CAST: variants seen among roughly 807,000 people sequenced by gnomAD.
CAST encodes MIR583 host.
A neutral mutation model predicts 119.6 loss-of-function variants in CAST; 76 were observed. The ratio of observed to expected loss-of-function variants is 0.64; its 90% confidence interval spans 0.53 to 0.77. CAST has a LOEUF of 0.77. CAST is among the 30% of genes least tolerant of loss of function. The probability of loss-of-function intolerance (pLI) is 0.00; values close to 1 mark genes in which losing one functional copy is unlikely to be tolerated. For missense variants in CAST, 953 were observed against 946.5 expected, an observed-to-expected ratio of 1.01 and a Z score of -0.09; for synonymous variants, 319 against 331.6, an observed-to-expected ratio of 0.96 and a Z score of 0.41.
chr5:96,401,279 C>G, the CAST span, among the ~76,000 whole-genome samples: 1 of 151,918 alleles, frequency 6.6e-6, no homozygotes, highest in Non-Finnish European at 1.5e-5. Context: ...TGGACTTTGA[C>G]AGGGGGTAGA....
rs570363709 is a variant in CAST, at chr5:96,640,767, G to A, written c.61-34772G>A. ...TTTATACCTGCATCACCTAGTCACTGGGTATGCTTGATGGGGAAGAATCAT... is the reference window on the plus strand; with the variant it reads ...TTTATACCTGCATCACCTAGTCACTAGGTATGCTTGATGGGGAAGAATCAT... On this transcript the variant is annotated intron_variant, in intron 1 of 11. Coordinates refer to the CAST transcript ENST00000505143. Among the ~76,000 whole-genome samples the A allele has an allele frequency of 1.6e-4, 25 of 152,298 alleles. 1 individual carries two copies. Among genetic ancestry groups the A allele is most frequent in the Admixed American group, 1.2e-3 (18 of 15,300 alleles).
chr5:96,294,105 T>A, the CAST span, among the ~76,000 whole-genome samples: 12 of 152,176 alleles, frequency 7.9e-5, no homozygotes, highest in Non-Finnish European at 1.2e-4. Context: ...AATATTTATT[T>A]TACTGAGTCA....
At chr5:96,481,849 G>T in the CAST span, among the ~76,000 whole-genome samples, 1 of 152,124 alleles carries the variant, frequency 6.6e-6, no homozygotes. Context: ...CATGCCTGCA[G>T]GGGAAGTAAT....
intron 3 of CAST, among the ~76,000 whole-genome samples, chr5:96,708,485 A>G (rs945849943): frequency 1.3e-5 from 2 of 151,090 alleles, no homozygotes; most frequent in African/African-American, 2.4e-5. Flanking sequence ...AGATTTTTCT[A>G]TTGTTTTAGT....
chr5:96,063,547 G>T, the CAST span, among the ~76,000 whole-genome samples: 2 of 152,114 alleles, frequency 1.3e-5, no homozygotes, highest in Non-Finnish European at 2.9e-5. Context: ...CTCAGAGTCT[G>T]TTTCCCAAGG....
At chr5:96,086,172 A>G in the CAST span, among the ~76,000 whole-genome samples, 1 of 152,156 alleles carries the variant, frequency 6.6e-6, no homozygotes, top group Non-Finnish European at 1.5e-5. Context: ...TTTAACTTAT[A>G]TTTTAAAAAT....
the CAST span, among the ~76,000 whole-genome samples, chr5:96,036,740 T>A: frequency 6.6e-6 from 1 of 152,184 alleles, no homozygotes; most frequent in Non-Finnish European, 1.5e-5. Flanking sequence ...ATTTTGATCT[T>A]AACTATTTTG....
intron 1 of CAST, among the ~76,000 whole-genome samples, chr5:96,604,707 T>A (rs1035014821): frequency 1.1e-4 from 17 of 152,204 alleles, no homozygotes; most frequent in African/African-American, 3.6e-4. Flanking sequence ...AATTTGGGGC[T>A]GATGCAAAAA....
chr5:96,390,170 G>A, the CAST span, among the ~76,000 whole-genome samples: 1 of 152,202 alleles, frequency 6.6e-6, no homozygotes, highest in Non-Finnish European at 1.5e-5. Flanking sequence ...GAAAGTGAAG[G>A]ATGGGCTAGA....
At chr5:95,983,683 A>G in the CAST span, among the ~76,000 whole-genome samples, 5,261 of 152,298 alleles carry the variant, frequency 0.035, 307 homozygotes, top group African/African-American at 0.12. Context: ...CAAAATTTGC[A>G]TATGTATTCA....
chr5:96,738,803 C>T (rs569354018), intron 11 of CAST, among the ~76,000 whole-genome samples: 3 of 151,862 alleles, frequency 2.0e-5, no homozygotes, highest in Admixed American at 6.6e-5. Context: ...GGAATGTTGG[C>T]GCATGGCTGT....
At chr5:96,063,372 A>C in the CAST span, among the ~76,000 whole-genome samples, 4 of 152,194 alleles carry the variant, frequency 2.6e-5, no homozygotes, top group Non-Finnish European at 5.9e-5. Flanking sequence ...CCAAGTCAGA[A>C]GGACCATCCC....
chr5:96,108,147 A>G, the CAST span, among the ~76,000 whole-genome samples: 21 of 152,184 alleles, frequency 1.4e-4, no homozygotes, highest in African/African-American at 5.1e-4. Context: ...CAAAGTTTTC[A>G]ACTTCTTTGC....
the CAST span, among the ~76,000 whole-genome samples, chr5:96,313,172 T>C: frequency 6.6e-6 from 1 of 152,162 alleles, no homozygotes; most frequent in African/African-American, 2.4e-5. Context: ...TTTTCTGTCT[T>C]AGACATAAAA....
chr5:96,607,164 T>C (rs1388037095), intron 1 of CAST, among the ~76,000 whole-genome samples: 2 of 152,052 alleles, frequency 1.3e-5, no homozygotes, highest in Non-Finnish European at 2.9e-5. Context: ...GGTGGGCGCC[T>C]GTAGTCCCAG....
chr5:96,762,700 A>G (rs1768424540), intron 25 of CAST: 2 of 294,500 alleles, frequency 6.8e-6, no homozygotes, highest in Non-Finnish European at 1.2e-5. Context: ...AGCTTTCCTG[A>G]TAATTGATTT....
the CAST span, among the ~76,000 whole-genome samples, chr5:96,328,783 T>G: frequency 2.6e-5 from 4 of 152,208 alleles, no homozygotes; most frequent in Non-Finnish European, 5.9e-5. Flanking sequence ...ATAACTTACC[T>G]TCCCTTTCTC....
chr5:96,513,752 T>C, the CAST span, among the ~76,000 whole-genome samples: 3 of 152,210 alleles, frequency 2.0e-5, no homozygotes, highest in Non-Finnish European at 4.4e-5. Context: ...AAATCTTAGC[T>C]TATTTGTTTC....
the CAST span, among the ~76,000 whole-genome samples, chr5:96,047,192 G>T: frequency 4.6e-5 from 7 of 152,082 alleles, no homozygotes; most frequent in Non-Finnish European, 1.0e-4. Flanking sequence ...CAAATATCTT[G>T]CAAGCTCACA....
Sources: gnomAD v4.1 joint callset for allele counts (sites outside exome capture counted in the v4.1 genomes callset) on GRCh38, gnomAD v4.1.1 for gene constraint, MANE v1.5 for transcripts, NCBI Gene and HGNC (gene_info 2026-07-23, HGNC 2026-07-21) for gene names.